Variants in POLK observed in about 807,000 individuals in gnomAD.
POLK encodes the protein DNA polymerase kappa, also known as polymerase (DNA directed) kappa.
A neutral mutation model predicts 94.0 loss-of-function variants in POLK; 76 were observed. The ratio of observed to expected loss-of-function variants is 0.81; its 90% CI spans 0.67 to 0.98. POLK has a LOEUF of 0.98. Ranked by LOEUF, POLK falls within the 50% of genes least tolerant of loss-of-function variation. POLK has a pLI of 0.00. For synonymous variants in POLK, 349 were observed against 325.4 expected, an observed-to-expected ratio of 1.07 and a Z score of -0.78; for missense variants, 954 against 1,010.1, an observed-to-expected ratio of 0.94 and a Z score of 0.75.
chr5:75,606,847 T>C, the POLK span, among the ~76,000 whole-genome samples: 1 of 152,142 alleles, frequency 6.6e-6, no homozygotes, highest in Non-Finnish European at 1.5e-5. Context: ...GGACTGCCAG[T>C]GAGAATTTGA....
intron 1 of POLK, among the ~76,000 whole-genome samples, chr5:75,534,496 G>T (rs1005422152): frequency 1.3e-5 from 2 of 151,990 alleles, no homozygotes; most frequent in Non-Finnish European, 2.9e-5. Context: ...AGATTTCTTG[G>T]ATTGGGTTCT....
intron 1 of POLK, among the ~76,000 whole-genome samples, chr5:75,515,351 T>A (rs1768274582): frequency 6.6e-6 from 1 of 152,200 alleles, no homozygotes; most frequent in South Asian, 2.1e-4. Context: ...CAAACCCAAA[T>A]TTTTATTCCA....
chr5:75,565,863 C>T (rs1445302036), intron 3 of POLK, among the ~76,000 whole-genome samples: 2 of 152,236 alleles, frequency 1.3e-5, no homozygotes, highest in East Asian at 1.9e-4. Flanking sequence ...CTTGAGGAGG[C>T]AGTCTGTTCC....
chr5:75,527,657 G>A (rs574197010), intron 1 of POLK, among the ~76,000 whole-genome samples: 8 of 151,772 alleles, frequency 5.3e-5, no homozygotes, highest in South Asian at 2.1e-4. Flanking sequence ...TTTCTTCTCC[G>A]AACCTGGTAG....
intron 1 of POLK, among the ~76,000 whole-genome samples, chr5:75,531,011 G>T (rs1214429313): frequency 6.6e-6 from 1 of 151,578 alleles, no homozygotes. Flanking sequence ...GTTTCACCGT[G>T]TTAGCCAGGA....
intron 3 of POLK, among the ~76,000 whole-genome samples, chr5:75,555,774 C>A (rs1271876838): frequency 2.0e-5 from 3 of 152,146 alleles, no homozygotes; most frequent in African/African-American, 7.2e-5. Flanking sequence ...GTCTGAAACT[C>A]CTGGCCTCAT....
At chr5:75,573,671 G>T in intron 4 of POLK, 67 bp from the exon 5 acceptor site, 2 of 1,237,936 alleles carry the variant, frequency 1.6e-6, no homozygotes, top group Admixed American at 1.7e-5. Flanking sequence ...TGTTTCTTAT[G>T]AATGCATTGA....
At chr5:75,579,844 T>G (rs1204485248) in intron 6 of POLK, among the ~76,000 whole-genome samples, 2 of 151,694 alleles carry the variant, frequency 1.3e-5, no homozygotes, top group Non-Finnish European at 2.9e-5. Context: ...GCCAGGAGTT[T>G]GAGACCACCC....
At chr5:75,544,355 AAAC>A (rs1769902500) in intron 1 of POLK, among the ~76,000 whole-genome samples, 2 of 152,112 alleles carry the variant, frequency 1.3e-5, no homozygotes, top group Admixed American at 6.5e-5. Context: ...TGTCTCTAAA[AAAC>A]AACAAGAGCC....
At chr5:75,584,328 T>G (rs997789329) in intron 8 of POLK, among the ~76,000 whole-genome samples, 7 of 152,156 alleles carry the variant, frequency 4.6e-5, no homozygotes, top group Admixed American at 1.3e-4. Flanking sequence ...TTAGTAAATG[T>G]GGTCAAAAAG....
chr5:75,583,054 A>G (rs1422246729), intron 7 of POLK: 1 of 308,126 alleles, frequency 3.2e-6, no homozygotes, highest in Non-Finnish European at 5.9e-6. Context: ...TTAAAATGTC[A>G]TGGAGAATTA....
intron 6 of POLK, among the ~76,000 whole-genome samples, chr5:75,579,276 A>G (rs1316297544): frequency 6.6e-6 from 1 of 152,162 alleles, no homozygotes; most frequent in African/African-American, 2.4e-5. Flanking sequence ...GTTTTTCTGT[A>G]GCTTTCTTTA....
At chr5:75,512,102 C>A in intron 1 of POLK, 188 bp downstream of exon 1, 1 of 288,026 alleles carries the variant, frequency 3.5e-6, no homozygotes, top group South Asian at 7.0e-5. Context: ...GACGGGCCTG[C>A]TTTCCAGGGC....
intron 3 of POLK, among the ~76,000 whole-genome samples, chr5:75,553,679 A>T (rs553719499): frequency 6.6e-6 from 1 of 152,132 alleles, no homozygotes; most frequent in East Asian, 1.9e-4. Flanking sequence ...TTATCTTTGT[A>T]CTCTAGTGCT....
At chr5:75,571,013 T>G (rs1390791580) in intron 4 of POLK, among the ~76,000 whole-genome samples, 1 of 152,090 alleles carries the variant, frequency 6.6e-6, no homozygotes, top group African/African-American at 2.4e-5. Flanking sequence ...CACCATAAAT[T>G]TATGTATGTT....
Position 75,581,645 on chromosome 5 carries a change from G to A in POLK, c.934+197G>A, listed in dbSNP as rs373914957. ...TAAATTGGAATTAAGCAGACTATGA[G>A]CCTGAAGGAAAAAAAAGATTATACG... On this transcript the variant is annotated intron_variant, in intron 7 of 14. Transcript: ENST00000241436. 184 of 531,032 alleles carry A rather than the reference G, an allele frequency of 3.5e-4. 1 individual carries two copies. Among genetic ancestry groups the A allele is most frequent in the African/African-American group, 3.3e-3 (167 of 50,834 alleles). 32.9% of individuals were successfully genotyped at this position (531,032 alleles called of 1,614,324 possible). A position where few individuals can be genotyped will look rare whatever the true frequency, so the allele number is the denominator to read the frequency against.
intron 3 of POLK, among the ~76,000 whole-genome samples, chr5:75,563,536 T>C (rs532228376): frequency 2.6e-5 from 4 of 152,330 alleles, no homozygotes; most frequent in Admixed American, 2.0e-4. Context: ...GGGCATTTAG[T>C]GCTATAAATT....
At chr5:75,555,341 AC>A (rs59095200) in intron 3 of POLK, among the ~76,000 whole-genome samples, 18,927 of 151,920 alleles carry the variant, frequency 0.12, 1,297 homozygotes, top group East Asian at 0.23. Context: ...GCAATCACTG[AC>A]CTTTTTACTA....
At chr5:75,559,292 C>T (rs1770818717) in intron 3 of POLK, among the ~76,000 whole-genome samples, 1 of 152,084 alleles carries the variant, frequency 6.6e-6, no homozygotes, top group Non-Finnish European at 1.5e-5. Context: ...AGGCATGAAC[C>T]TCTAGGGTGT....
Sources: gnomAD v4.1 joint callset for allele counts (sites outside exome capture counted in the v4.1 genomes callset) on GRCh38, gnomAD v4.1.1 for gene constraint, MANE v1.5 for transcripts, NCBI Gene and HGNC (gene_info 2026-07-23, HGNC 2026-07-21) for gene names.